Variants in SLC17A5 observed in about 807,000 individuals in gnomAD.
SLC17A5 encodes the protein sialin.
Under a neutral mutation model 59.4 loss-of-function variants are expected in SLC17A5, and 47 were observed. The ratio of observed to expected loss-of-function variants is 0.79; its 90% CI spans 0.63 to 1.01. The LOEUF (loss-of-function observed/expected upper bound fraction) is 1.01. SLC17A5 is among the 50% of genes least tolerant of loss of function. The pLI, the probability that SLC17A5 is intolerant of heterozygous loss-of-function variation, is 0.00. For missense variants in SLC17A5, 522 were observed against 595.5 expected (o/e 0.88, Z 1.28); for synonymous variants, 202 against 210.7 (o/e 0.96, Z 0.36).
At chr6:73,600,504 CCTTCTTTT>C in intron 9 of SLC17A5, 63 bp from the exon 10 acceptor site, 1 of 1,167,502 alleles carries the variant, frequency 8.6e-7, no homozygotes, top group Non-Finnish European at 1.2e-6. Flanking sequence ...TTCATTCTTT[CCTTCTTTT>C]TTTTTTTTTT....
Position 73,610,544 on chromosome 6 carries a change from A to G in SLC17A5, c.1115T>C (p.Met372Thr). The G allele has an allele frequency of 6.2e-7, 1 of 1,614,104 alleles. No individual in the cohort carries two copies. Among genetic ancestry groups the G allele is most frequent in the Non-Finnish European group, 8.5e-7 (1 of 1,179,988 alleles). The change falls in exon 9 of 11, where the codon ATG (methionine) becomes ACG (threonine). Residue 372 changes from methionine to threonine, a missense_variant. By Grantham distance (81) the Met-to-Thr change is moderately conservative (BLOSUM62 -1). Coordinates refer to ENST00000355773, the MANE Select transcript of SLC17A5 (RefSeq NM_012434.5). The stretch of plus-strand genomic sequence containing the variant: ...TACCAGGAATACTGCAGGTCCAATC[A>G]TTCCTGGAGTTAAAAAGTTATAAAA... ...CVRRIFSLIG[M>T]IGPAVFLVAA... is the part of the protein sequence containing the mutation.
intron 6 of SLC17A5, among the ~76,000 whole-genome samples, chr6:73,632,824 GA>G (rs1168318999): frequency 1.3e-5 from 2 of 149,524 alleles, no homozygotes; most frequent in Non-Finnish European, 2.9e-5. Context: ...AAATATTGGA[GA>G]AAGCAAGCTG....
chr6:73,652,971 A>G (rs1017744176), intron 1 of SLC17A5: 1 of 905,302 alleles, frequency 1.1e-6, no homozygotes, highest in African/African-American at 1.8e-5. Context: ...CAAATAGCAA[A>G]ATATTTTAAT....
intron 6 of SLC17A5, among the ~76,000 whole-genome samples, chr6:73,631,102 T>C (rs191727278): frequency 3.3e-5 from 5 of 150,384 alleles, no homozygotes; most frequent in African/African-American, 1.2e-4. Flanking sequence ...TAAGCTAAAC[T>C]GTCCTGGTTC....
chr6:73,628,912 T>G (rs1768561288), intron 6 of SLC17A5, among the ~76,000 whole-genome samples: 1 of 152,196 alleles, frequency 6.6e-6, no homozygotes, highest in Admixed American at 6.5e-5. Context: ...AAATTTTTCT[T>G]GTCAAATGCA....
chr6:73,629,367 A>G (rs1295814387), intron 6 of SLC17A5, among the ~76,000 whole-genome samples: 1 of 151,928 alleles, frequency 6.6e-6, no homozygotes, highest in Non-Finnish European at 1.5e-5. Context: ...ACTCCAGCCT[A>G]GGCAACAGAA....
At chr6:73,633,460 G>C (rs1273713561) in intron 6 of SLC17A5, among the ~76,000 whole-genome samples, 1 of 151,932 alleles carries the variant, frequency 6.6e-6, no homozygotes, top group Non-Finnish European at 1.5e-5. Context: ...TTGAACTCCA[G>C]GGCTCAAGAA....
In SLC17A5 at chr6:73,621,864, A is replaced by C. The variant is rs201284672; in HGVS notation, c.918T>G (p.Tyr306Ter). ...AAGTAGGCAATAATGTCAATAAAGT[A>C]TAAAAAGTCCAGTTGTAAGAAAAGT... ...VAHFSYNWTF[Y>*]TLLTLLPTYM... Residue 306 changes from tyrosine (Y) to a stop codon, truncating the protein, a stop_gained, in exon 7 of 11, where the codon TAT (tyrosine) becomes TAG (stop). Transcript: ENST00000355773. LOFTEE classifies it high-confidence loss of function. The C allele has an allele frequency of 7.0e-5, 113 of 1,613,600 alleles. No homozygotes were observed. Among genetic ancestry groups the C allele is most frequent in the Admixed American group, 6.2e-4 (37 of 60,020 alleles).
At chr6:73,622,062 C>T (rs1411147429) in intron 6 of SLC17A5, 100 bp from the exon 7 acceptor site, 4 of 1,148,122 alleles carry the variant, frequency 3.5e-6, no homozygotes, top group Non-Finnish European at 5.1e-6. Context: ...TACAGAATAT[C>T]ACCTTAATTA....
rs56306141 is a variant in SLC17A5, at chr6:73,616,546, TAC to T, written c.979-1101_979-1100del. Among the ~76,000 whole-genome samples, 1,134 of 126,248 alleles carry T rather than the reference TAC, an allele frequency of 9.0e-3. 8 individuals are homozygous for T. The highest frequency in any genetic ancestry group is 0.025 in the South Asian group (104 of 4,168). The allele number at this position is 126,248 out of a possible 152,430, so 82.8% of individuals were successfully genotyped here. On this transcript the variant is annotated intron_variant, in intron 7 of 10. Coordinates refer to ENST00000355773, the MANE Select transcript of SLC17A5 (RefSeq NM_012434.5). ...AAAAGTGCATTACATGTTTATTTAC[TAC>T]ACACACACACACACACACACACACA...
chr6:73,631,264 AAAG>A (rs769684138), intron 6 of SLC17A5, among the ~76,000 whole-genome samples: 8 of 151,466 alleles, frequency 5.3e-5, no homozygotes, highest in Non-Finnish European at 1.0e-4. Flanking sequence ...CTGTCTCTAA[AAAG>A]AAGAAGAAAA....
intron 7 of SLC17A5, among the ~76,000 whole-genome samples, chr6:73,616,808 T>C (rs1378761567): frequency 6.6e-6 from 1 of 151,996 alleles, no homozygotes; most frequent in Non-Finnish European, 1.5e-5. Context: ...AGTTTCGCCA[T>C]GTTGGCCAGG....
intron 9 of SLC17A5, among the ~76,000 whole-genome samples, chr6:73,602,149 G>A (rs1211514132): frequency 6.6e-6 from 1 of 151,336 alleles, no homozygotes; most frequent in African/African-American, 2.4e-5. Flanking sequence ...CCCCAACCCT[G>A]TGCTCTCTGA....
chr6:73,647,927 GGC>G (rs1483120033), intron 1 of SLC17A5, among the ~76,000 whole-genome samples: 1 of 152,098 alleles, frequency 6.6e-6, no homozygotes, highest in Non-Finnish European at 1.5e-5. Context: ...AAATTAGCCG[GGC>G]GTGGTGGCAG....
intron 9 of SLC17A5, among the ~76,000 whole-genome samples, chr6:73,602,728 T>G (rs1267997076): frequency 7.7e-5 from 11 of 143,298 alleles, no homozygotes; most frequent in Admixed American, 1.5e-4. Context: ...TGAGCAGAGA[T>G]CGCGCCACTG....
At chr6:73,650,372 G>C (rs1190227629) in intron 1 of SLC17A5, among the ~76,000 whole-genome samples, 1 of 151,450 alleles carries the variant, frequency 6.6e-6, no homozygotes, top group Admixed American at 6.6e-5. Flanking sequence ...AGCCGGGCGT[G>C]GTGGCGGGTG....
chr6:73,631,471 T>C (rs1561996065), intron 6 of SLC17A5, among the ~76,000 whole-genome samples: 1 of 110,360 alleles, frequency 9.1e-6, no homozygotes, highest in East Asian at 2.8e-4. Flanking sequence ...AAATATTGAT[T>C]CTTTAAACCC....
intron 9 of SLC17A5, among the ~76,000 whole-genome samples, chr6:73,601,827 C>T (rs947524722): frequency 6.7e-6 from 1 of 149,468 alleles, no homozygotes; most frequent in Admixed American, 6.6e-5. Context: ...GGGGGTCAGC[C>T]CCCTGCCCGG....
intron 10 of SLC17A5, 26 bp from the exon 11 acceptor site, chr6:73,595,240 G>A (rs374070284): frequency 1.6e-4 from 260 of 1,613,138 alleles, no homozygotes; most frequent in Non-Finnish European, 2.1e-4. Context: ...AAAAATGCAA[G>A]TGAAATAAAA....
Sources: allele counts gnomAD v4.1 joint callset (sites outside exome capture counted in the v4.1 genomes callset), GRCh38; gene constraint gnomAD v4.1.1; transcripts MANE v1.5; gene names NCBI Gene and HGNC (gene_info 2026-07-23, HGNC 2026-07-21).